The following PROX1 variants were observed in gnomAD, a reference collection of about 807,000 sequenced individuals.
PROX1 encodes the protein prospero homeobox 1.
A neutral mutation model predicts 58.8 loss-of-function variants in PROX1; 7 were observed. The ratio of observed to expected loss-of-function variants is 0.12; its 90% CI spans 0.07 to 0.22. The LOEUF (loss-of-function observed/expected upper bound fraction) is 0.22, where lower values mean the gene tolerates loss of function less well. Among genes scored for constraint, PROX1 ranks in the 10% least tolerant of loss-of-function variants. PROX1 has a pLI of 1.00. For synonymous variants in PROX1, 350 were observed against 358.3 expected (o/e 0.98, Z 0.26); for missense variants, 675 against 927.8 (o/e 0.73, Z 3.54).
intron 3 of PROX1, among the ~76,000 whole-genome samples, chr1:214,007,061 T>C (rs1181174626): frequency 2.0e-5 from 3 of 152,160 alleles, no homozygotes; most frequent in Non-Finnish European, 4.4e-5. Flanking sequence ...AGTTCAAGCA[T>C]GCGTGCATGT....
chr1:214,008,419 A>C (rs540027699), intron 3 of PROX1, among the ~76,000 whole-genome samples: 1 of 139,310 alleles, frequency 7.2e-6, no homozygotes, highest in Non-Finnish European at 1.6e-5. Context: ...AACAACAACA[A>C]CAACAACAAA....
At chr1:213,995,516 T>C (rs1663229790) in intron 1 of PROX1, among the ~76,000 whole-genome samples, 3 of 152,080 alleles carry the variant, frequency 2.0e-5, no homozygotes, top group Non-Finnish European at 2.9e-5. Context: ...AAATCCTGTA[T>C]GTTAAAGAGT....
chr1:214,038,389 GA>G lies in PROX1; in HGVS notation c.*2556del, dbSNP rs1664897893. ...TCTCCAAATTCCTATTTAACAGTTT[GA>G]TTTTTTTTTTTTAATCACCATCTTT... On this transcript the variant is annotated 3_prime_UTR_variant, in exon 5 of 5. Transcript: ENST00000366958. 1 of 150,840 alleles carries G rather than the reference GA, an allele frequency of 6.6e-6. No individual in the cohort carries two copies. The highest frequency in any genetic ancestry group is 2.4e-5 in the African/African-American group (1 of 41,072). 9.3% of individuals were successfully genotyped at this position (150,840 alleles called of 1,614,324 possible).
At chr1:213,985,253 C>G (rs1316367911), upstream of PROX1, 2 of 152,242 alleles carry the variant, frequency 1.3e-5, no homozygotes, top group Admixed American at 1.3e-4. Flanking sequence ...CCAGGCTTCT[C>G]CCCTATCAGA....
intron 1 of PROX1, among the ~76,000 whole-genome samples, chr1:213,994,305 C>A (rs1190517070): frequency 6.6e-6 from 1 of 152,064 alleles, no homozygotes; most frequent in Admixed American, 6.5e-5. Flanking sequence ...GATCCATGTG[C>A]TTTGCAGGTG....
chr1:214,030,972 C>T (rs1282303078), intron 4 of PROX1: 1 of 152,326 alleles, frequency 6.6e-6, no homozygotes, highest in Non-Finnish European at 1.5e-5. Context: ...AAAAATGTGT[C>T]TTTGCCACTC....
chr1:213,998,836 G>A (rs1293621113), intron 2 of PROX1, among the ~76,000 whole-genome samples: 1 of 152,026 alleles, frequency 6.6e-6, no homozygotes, highest in Non-Finnish European at 1.5e-5. Context: ...AAATGGATGT[G>A]GGTGGGGAGT....
At chr1:213,994,625 G>T (rs56052522) in intron 1 of PROX1, among the ~76,000 whole-genome samples, 26,897 of 150,576 alleles carry the variant, frequency 0.18, 2,475 homozygotes, top group Admixed American at 0.25. Flanking sequence ...TGTTTGAAAG[G>T]GTCTCAATCA....
chr1:214,035,874 G>T lies in PROX1; in HGVS notation c.*40G>T. 6.4e-7 allele frequency: 1 copy of T among 1,555,416 alleles called. No individual in the cohort carries two copies. On this transcript the variant is annotated 3_prime_UTR_variant, in exon 5 of 5. Coordinates refer to ENST00000366958, the MANE Select transcript of PROX1 (RefSeq NM_001270616.2). ...CTTTTTGAATGTATGAAGAGTAGCA[G>T]TCCCCTTTGGATGTCCAAGTTATAT...
chr1:213,996,643 G>A lies in PROX1; in HGVS notation c.108G>A (p.Lys36=), dbSNP rs71635949. The part of the protein sequence containing the change: ...TVGTASAFFA[K]ARATFFSAMN... ...GGACAGCATCTGCATTTTTTGCTAA[G>A]GCAAGAGCAACGTTTTTTAGTGCCA... is the stretch of plus-strand genomic sequence containing the variant. The change falls in exon 2 of 5, where the codon AAG becomes AAA. Residue 36 remains lysine (K), a synonymous_variant. Coordinates refer to ENST00000366958, the MANE Select transcript of PROX1 (RefSeq NM_001270616.2). 18 of 1,614,068 alleles carry A rather than the reference G, an allele frequency of 1.1e-5. 1 individual carries two copies. The Admixed American group carries it at 3.0e-4, about 27-fold the overall frequency.
chr1:214,005,410 T>A (rs1663672487), intron 3 of PROX1, 138 bp downstream of exon 3: 1 of 686,004 alleles, frequency 1.5e-6, no homozygotes, highest in African/African-American at 1.8e-5. Flanking sequence ...TGCACTTGTC[T>A]TTTTGTCTAA....
intron 2 of PROX1, among the ~76,000 whole-genome samples, chr1:214,000,037 C>G (rs56034265): frequency 0.012 from 1,544 of 133,128 alleles, 21 homozygotes; most frequent in African/African-American, 0.042. Context: ...GTCTCTCTCT[C>G]TCTCTTACAC....
chr1:214,011,644 C>T lies in PROX1; in HGVS notation c.1957C>T (p.Leu653=), dbSNP rs759571956. The T allele has an allele frequency of 1.5e-5, 24 of 1,613,948 alleles. No homozygotes were observed. In the South Asian group the frequency reaches 2.6e-4, roughly 18 times the overall value. The change falls in exon 4 of 5, where the codon CTG becomes TTG. Residue 653 remains leucine, a synonymous_variant. Coordinates refer to ENST00000366958, the MANE Select transcript of PROX1 (RefSeq NM_001270616.2). ...CGATGGGGTCACCAGTACTGAAGAG[C>T]TGTCTATAACCAGAGACTGTGAGCT... ...INDGVTSTEE[L]SITRDCELYR...
At chr1:214,015,525 C>T (rs1664062070) in intron 4 of PROX1, among the ~76,000 whole-genome samples, 2 of 151,930 alleles carry the variant, frequency 1.3e-5, no homozygotes, top group South Asian at 2.1e-4. Flanking sequence ...GATTTTATCG[C>T]TTTTGTTGTT....
In PROX1 at chr1:213,996,257, A is replaced by T. The variant is rs1042916151; in HGVS notation, c.-67-212A>T. ...CTGGTGCTTAAGCAGTTTTTGCTTAATTTTTTTTTAATCTTAATCCATCTT... is the reference window on the plus strand; with the variant it reads ...CTGGTGCTTAAGCAGTTTTTGCTTATTTTTTTTTTAATCTTAATCCATCTT... On this transcript the variant is annotated intron_variant, in intron 1 of 4. Coordinates refer to ENST00000366958, the MANE Select transcript of PROX1 (RefSeq NM_001270616.2). Among the ~76,000 whole-genome samples, 5 of 151,546 alleles carry T rather than the reference A, an allele frequency of 3.3e-5. No homozygotes were observed. In the East Asian group the frequency reaches 7.7e-4, roughly 23 times the overall value.
upstream of PROX1, chr1:213,987,734 A>G (rs1571789025): frequency 1.7e-5 from 1 of 60,136 alleles, no homozygotes; most frequent in Non-Finnish European, 3.3e-5. Context: ...CCGGGGATGG[A>G]GGCCGGGGAG....
intron 4 of PROX1, among the ~76,000 whole-genome samples, chr1:214,023,020 G>A (rs1474848862): frequency 6.6e-6 from 1 of 152,124 alleles, no homozygotes; most frequent in African/African-American, 2.4e-5. Flanking sequence ...TTCTCCCAAG[G>A]CCCTATTTGC....
At chr1:214,027,078 G>C (rs1179614676) in intron 4 of PROX1, among the ~76,000 whole-genome samples, 1 of 152,170 alleles carries the variant, frequency 6.6e-6, no homozygotes, top group African/African-American at 2.4e-5. Flanking sequence ...GGTGACAGGA[G>C]GAGAGACCTG....
chr1:214,035,543 A>G lies in PROX1; in HGVS notation c.2029-106A>G, dbSNP rs544071273. On this transcript the variant is annotated intron_variant, in intron 4 of 4. Coordinates refer to ENST00000366958, the MANE Select transcript of PROX1 (RefSeq NM_001270616.2). ...GCTATTTTTAGAAAATGCAGGTGCC[A>G]TGTAAGCCCCTTTCTGCAAGAATGA... is the stretch of plus-strand genomic sequence containing the variant. The G allele has an allele frequency of 8.4e-5, 96 of 1,137,720 alleles. 1 individual carries two copies. Among genetic ancestry groups the G allele is most frequent in the Admixed American group, 1.1e-4 (4 of 35,412 alleles). 70.5% of individuals were successfully genotyped at this position (1,137,720 alleles called of 1,614,324 possible). A position where few individuals can be genotyped will look rare whatever the true frequency, so the allele number is the denominator to read the frequency against.
Sources: gnomAD v4.1 joint callset for allele counts (sites outside exome capture counted in the v4.1 genomes callset) on GRCh38, gnomAD v4.1.1 for gene constraint, MANE v1.5 for transcripts, NCBI Gene and HGNC (gene_info 2026-07-23, HGNC 2026-07-21) for gene names.